Variants in FRMD4A observed in about 807,000 individuals in gnomAD.
The protein encoded by FRMD4A is FERM domain-containing protein 4A.
FRMD4A carries 29 observed loss-of-function variants against 129.1 expected under a neutral mutation model. The observed-to-expected ratio is 0.22, with a 90% confidence interval of 0.17 to 0.31. The LOEUF (loss-of-function observed/expected upper bound fraction) is 0.31. FRMD4A is among the 10% of genes least tolerant of loss of function. FRMD4A has a pLI of 1.00. For missense variants in FRMD4A, 1,272 were observed against 1,375.8 expected, an observed-to-expected ratio of 0.92 and a Z score of 1.19; for synonymous variants, 634 against 571.6, an observed-to-expected ratio of 1.11 and a Z score of -1.56.
At chr10:14,255,553 G>A (rs909588132) in intron 2 of FRMD4A, among the ~76,000 whole-genome samples, 1 of 152,206 alleles carries the variant, frequency 6.6e-6, no homozygotes, top group Non-Finnish European at 1.5e-5. Context: ...GCAAGGGCAG[G>A]AGACAATCAG....
intron 2 of FRMD4A, among the ~76,000 whole-genome samples, chr10:14,056,871 A>G (rs1834559188): frequency 6.6e-6 from 1 of 152,246 alleles, no homozygotes; most frequent in Non-Finnish European, 1.5e-5. Context: ...TGAAAAATAA[A>G]TAAATAAAAG....
rs1439505387 is a variant in FRMD4A at position 13,795,697 on chromosome 10, A to T, written c.299+799T>A. ...TTGTGTTGCAATCAAGGTTCTGGAC[A>T]GAAAGAACCTGGTGCCTCCATAGAC... On this transcript the variant is annotated intron_variant, in intron 5 of 24. Coordinates refer to ENST00000357447, the MANE Select transcript of FRMD4A (RefSeq NM_018027.5). Among the ~76,000 whole-genome samples the T allele has an allele frequency of 1.8e-4, 28 of 152,342 alleles. No individual in the cohort carries two copies. In the South Asian group the frequency reaches 3.5e-3, roughly 19 times the overall value.
rs142265640 is a variant in FRMD4A, at chr10:14,053,705, C to G, written c.46-194793G>C. Among the ~76,000 whole-genome samples the G allele has an allele frequency of 2.1e-3, 314 of 152,184 alleles. 1 individual carries two copies. The highest frequency in any genetic ancestry group is 7.2e-3 in the African/African-American group (300 of 41,526). ...ACACTTGCTTTGTTGATTGTTATGG[C>G]CCCCATCCACCTCCATCAAAAAGAC... On this transcript the variant is annotated intron_variant, in intron 2 of 24. Coordinates refer to ENST00000357447, the MANE Select transcript of FRMD4A (RefSeq NM_018027.5).
chr10:14,145,224 G>A, intron 2 of FRMD4A, among the ~76,000 whole-genome samples: 1 of 152,176 alleles, frequency 6.6e-6, no homozygotes, highest in Non-Finnish European at 1.5e-5. Flanking sequence ...CAGGAACCTC[G>A]AATTCTATTC....
Position 13,971,341 on chromosome 10 carries a change from C to T in FRMD4A, c.46-112429G>A, listed in dbSNP as rs145626182. 6.6e-5 allele frequency among the ~76,000 whole-genome samples: 10 copies of T among 152,338 alleles called. No homozygotes were observed. The East Asian group carries it at 1.9e-3, about 29-fold the overall frequency. Reference sequence around the variant, plus strand: ...TGTCTGGGTGACTTTGAACAACTTACATCCTTCTCTGAGTTTCAATAACCT... The same window carrying T: ...TGTCTGGGTGACTTTGAACAACTTATATCCTTCTCTGAGTTTCAATAACCT... On this transcript the variant is annotated intron_variant, in intron 2 of 24. Transcript: ENST00000357447.
At chr10:13,685,358 G>A (rs905134495) in intron 15 of FRMD4A, 1 of 984,216 alleles carries the variant, frequency 1.0e-6, no homozygotes, top group Non-Finnish European at 1.2e-6. Flanking sequence ...ATTTAACAGA[G>A]AGAGAGGAGA....
chr10:13,875,429 C>T (rs1564954362), intron 2 of FRMD4A, among the ~76,000 whole-genome samples: 2 of 152,162 alleles, frequency 1.3e-5, no homozygotes, highest in Non-Finnish European at 2.9e-5. Context: ...TGTAAAGGGA[C>T]ATAGCAGGCA....
chr10:13,762,715 G>C (rs770650861), intron 6 of FRMD4A, 35 bp from the exon 7 acceptor site: 1 of 1,392,832 alleles, frequency 7.2e-7, no homozygotes, highest in South Asian at 1.2e-5. Context: ...AGACAAGTTT[G>C]GTATTTAACC....
At chr10:13,656,100 T>G (rs74123096) in intron 22 of FRMD4A, among the ~76,000 whole-genome samples, 7,285 of 152,220 alleles carry the variant, frequency 0.048, 490 homozygotes, top group African/African-American at 0.14. Flanking sequence ...ATCATCGAAA[T>G]GGGAAAGCCA....
chr10:14,095,578 G>A (rs371047223), intron 2 of FRMD4A, among the ~76,000 whole-genome samples: 24 of 152,280 alleles, frequency 1.6e-4, no homozygotes, highest in South Asian at 2.1e-4. Context: ...ACTTCTAAAC[G>A]CACTCTCAAC....
chr10:13,762,783 C>A, intron 6 of FRMD4A, 103 bp from the exon 7 acceptor site: 1 of 745,808 alleles, frequency 1.3e-6, no homozygotes, highest in South Asian at 1.6e-5. Context: ...TACTTGAGCC[C>A]TGGAGTTTGA....
intron 15 of FRMD4A, chr10:13,684,709 G>A: frequency 1.0e-6 from 1 of 985,142 alleles, no homozygotes; most frequent in African/African-American, 1.7e-5. Flanking sequence ...GACACAGAGG[G>A]GATATTGATG....
At chr10:14,030,937 C>A (rs1833211937) in intron 2 of FRMD4A, among the ~76,000 whole-genome samples, 1 of 152,174 alleles carries the variant, frequency 6.6e-6, no homozygotes. Context: ...CAACCCCTGA[C>A]CAGTCACAAG....
At chr10:14,241,683 TAAAAAAAAAAAAAAA>T (rs71388168) in intron 2 of FRMD4A, among the ~76,000 whole-genome samples, 351 of 23,408 alleles carry the variant, frequency 0.015, 6 homozygotes, top group Non-Finnish European at 0.021. Context: ...TTACCCTCCC[TAAAAAAAAAAAAAAA>T]AAAAAAAAAA....
chr10:13,963,417 G>C (rs1198075976), intron 2 of FRMD4A, among the ~76,000 whole-genome samples: 2 of 151,992 alleles, frequency 1.3e-5, no homozygotes, highest in Non-Finnish European at 2.9e-5. Context: ...AAGGGGAACA[G>C]CAAAAATAGC....
intron 2 of FRMD4A, among the ~76,000 whole-genome samples, chr10:14,061,022 GA>G (rs11371291): frequency 2.7e-5 from 4 of 149,836 alleles, no homozygotes; most frequent in African/African-American, 9.9e-5. Context: ...AACCAATAAG[GA>G]AAAAAAAATG....
chr10:14,248,891 C>A (rs1844337365), intron 2 of FRMD4A, among the ~76,000 whole-genome samples: 1 of 152,220 alleles, frequency 6.6e-6, no homozygotes, highest in Admixed American at 6.5e-5. Flanking sequence ...TCAAGTTAAA[C>A]TAAGTGAGAC....
chr10:14,326,038 G>A (rs1291253191), intron 2 of FRMD4A: 1 of 152,098 alleles, frequency 6.6e-6, no homozygotes, highest in Non-Finnish European at 1.5e-5. Context: ...AATTTTTTAT[G>A]TTATAAAATA....
rs148240197 is a variant in FRMD4A at position 13,912,273 on chromosome 10, G to A, written c.46-53361C>T. On this transcript the variant is annotated intron_variant, in intron 2 of 24. Transcript: ENST00000357447. ...GGGATCAGGGCCCTTGTGCACTGCT[G>A]GTGGGACTGTGACATGGTGTAGCTA... Among the ~76,000 whole-genome samples, 5 of 152,250 alleles carry A rather than the reference G, an allele frequency of 3.3e-5. No individual in the cohort carries two copies. In the South Asian group the frequency reaches 6.2e-4, roughly 19 times the overall value.
Sources: gnomAD v4.1 joint callset for allele counts (sites outside exome capture counted in the v4.1 genomes callset) on GRCh38, gnomAD v4.1.1 for gene constraint, MANE v1.5 for transcripts, NCBI Gene and HGNC (gene_info 2026-07-23, HGNC 2026-07-21) for gene names.